ITPR2: variants seen among roughly 807,000 people sequenced by gnomAD.
ITPR2 encodes the protein inositol 1,4,5-trisphosphate receptor type 2, also known as inositol 1,4,5-trisphosphate-gated calcium channel ITPR2.
ITPR2 carries 207 observed loss-of-function variants against 317.1 expected under a neutral mutation model. The observed-to-expected ratio is 0.65, with a 90% confidence interval of 0.58 to 0.73. The LOEUF (loss-of-function observed/expected upper bound fraction) is 0.73. Ranked by LOEUF, ITPR2 falls within the 30% of genes least tolerant of loss-of-function variation. The pLI is 0.00. For missense variants in ITPR2, 2,613 were observed against 3,284.0 expected, an observed-to-expected ratio of 0.80 and a Z score of 4.99; for synonymous variants, 1,156 against 1,149.1, an observed-to-expected ratio of 1.01 and a Z score of -0.12.
At chr12:26,659,587 T>C (rs1169194627) in intron 15 of ITPR2, among the ~76,000 whole-genome samples, 1 of 152,212 alleles carries the variant, frequency 6.6e-6, no homozygotes, top group African/African-American at 2.4e-5. Context: ...TAAAGTAAGT[T>C]TTTATGACAC....
intron 26 of ITPR2, among the ~76,000 whole-genome samples, chr12:26,619,743 G>C (rs529981514): frequency 6.6e-6 from 1 of 152,194 alleles, no homozygotes; most frequent in Admixed American, 6.5e-5. Context: ...TTCTTGACTT[G>C]TTGGTAAGTA....
intron 2 of ITPR2, among the ~76,000 whole-genome samples, chr12:26,763,157 C>T (rs148506681): frequency 5.9e-5 from 9 of 152,040 alleles, no homozygotes; most frequent in Middle Eastern, 3.4e-3. Context: ...GTGATGGATG[C>T]GTGTTCTGGG....
At chr12:26,413,562 CA>C (rs1940621281) in intron 51 of ITPR2, among the ~76,000 whole-genome samples, 1 of 152,110 alleles carries the variant, frequency 6.6e-6, no homozygotes, top group South Asian at 2.1e-4. Flanking sequence ...ATTATGAAAA[CA>C]AGGGTGTTTT....
At position 26,768,276 on chromosome 12, in the gene ITPR2, A is replaced by G. The variant is rs577146305; in HGVS notation, c.163+21881T>C. On this transcript the variant is annotated intron_variant, in intron 2 of 56. Transcript: ENST00000381340. ...CTGGGGACGGTGGTGGGGTCGGGGG[A>G]AGGGGGAGGGATAGCAGTGGGAGAT... Among the ~76,000 whole-genome samples the G allele has an allele frequency of 2.9e-4, 31 of 107,628 alleles. 1 individual carries two copies. The highest frequency in any genetic ancestry group is 3.0e-4 in the Admixed American group (3 of 10,130). The allele number at this position is 107,628 out of a possible 152,430, so 70.6% of individuals were successfully genotyped here. A position where few individuals can be genotyped will look rare whatever the true frequency, so the allele number is the denominator to read the frequency against.
At position 26,606,114 on chromosome 12, in the gene ITPR2, T is replaced by C. The variant is rs564576012; in HGVS notation, c.3463-3408A>G. Among the ~76,000 whole-genome samples, 38 of 152,096 alleles carry C rather than the reference T, an allele frequency of 2.5e-4. No homozygotes were observed. The South Asian group carries it at 7.3e-3, about 29-fold the overall frequency. On this transcript the variant is annotated intron_variant, in intron 26 of 56. Coordinates refer to ENST00000381340, the MANE Select transcript of ITPR2 (RefSeq NM_002223.4). Reference sequence around the variant, plus strand: ...CTAATCTACAAAACCCTGAATCTATTCTAATGACAAAATATTAGAAAAGTG... The same window carrying C: ...CTAATCTACAAAACCCTGAATCTATCCTAATGACAAAATATTAGAAAAGTG...
chr12:26,775,959 T>TATATACATA (rs1263788006), intron 2 of ITPR2, among the ~76,000 whole-genome samples: 6 of 145,062 alleles, frequency 4.1e-5, no homozygotes, highest in Non-Finnish European at 7.7e-5. Flanking sequence ...TATATGTATA[T>TATATACATA]CCTATTAGTT....
rs59023216 is a variant in ITPR2 at position 26,336,994 on chromosome 12, T to TTTG, written c.*2402_*2403insCAA. 6.8e-6 allele frequency: 1 copy of TTTG among 148,078 alleles called. No homozygotes were observed. The highest frequency in any genetic ancestry group is 6.7e-5 in the Admixed American group (1 of 14,936). 9.2% of individuals were successfully genotyped at this position (148,078 alleles called of 1,614,324 possible). ...TTTTTGTTGCTGTTTTTTTTTTTTT[T>TTTG]GCTTTATAATTTCTAAGCATTTAGG... On this transcript the variant is annotated 3_prime_UTR_variant, in exon 57 of 57. Coordinates refer to ENST00000381340, the MANE Select transcript of ITPR2 (RefSeq NM_002223.4).
intron 45 of ITPR2, among the ~76,000 whole-genome samples, chr12:26,452,782 G>A (rs1941771519): frequency 6.6e-6 from 1 of 152,014 alleles, no homozygotes; most frequent in Non-Finnish European, 1.5e-5. Context: ...GATGCAGCAC[G>A]ATGCCCTCAC....
At chr12:26,782,033 TGTATAGAGAGAGAGAG>T (rs1271454741) in intron 2 of ITPR2, among the ~76,000 whole-genome samples, 4 of 18,036 alleles carry the variant, frequency 2.2e-4, no homozygotes, top group Non-Finnish European at 2.2e-4. Context: ...TATATATATA[TGTATAGAGAGAGAGAG>T]AGAGAGAGAG....
rs780856936 is a variant in ITPR2, at chr12:26,419,223, G to A, written c.6946-10C>T. On this transcript the variant is annotated splice_polypyrimidine_tract_variant and intron_variant, in intron 49 of 56. Coordinates refer to ENST00000381340, the MANE Select transcript of ITPR2 (RefSeq NM_002223.4). ...CAATTTTATTACAAAGCTAAAGGGA[G>A]GAAAGGGTTACAGATTACTGTCTTA... The A allele has an allele frequency of 4.3e-6, 7 of 1,612,122 alleles. No individual in the cohort carries two copies. The Admixed American group carries it at 5.0e-5, about 12-fold the overall frequency.
chr12:26,444,459 T>C (rs1466749847), intron 45 of ITPR2, among the ~76,000 whole-genome samples: 1 of 151,958 alleles, frequency 6.6e-6, no homozygotes, highest in Non-Finnish European at 1.5e-5. Context: ...CAGAACTCTT[T>C]CACTCCCAGC....
chr12:26,571,877 A>T (rs1591915430), intron 34 of ITPR2, among the ~76,000 whole-genome samples: 1 of 152,226 alleles, frequency 6.6e-6, no homozygotes, highest in Admixed American at 6.5e-5. Context: ...TCCATGTACA[A>T]CTAAGAAAAA....
chr12:26,733,274 A>G (rs991543034), intron 2 of ITPR2, among the ~76,000 whole-genome samples: 63 of 149,614 alleles, frequency 4.2e-4, no homozygotes, highest in South Asian at 4.2e-4. Flanking sequence ...AGATCATGCC[A>G]CTGCACTCCA....
chr12:26,616,895 T>C (rs1774834156), intron 26 of ITPR2, among the ~76,000 whole-genome samples: 1 of 152,150 alleles, frequency 6.6e-6, no homozygotes, highest in Admixed American at 6.5e-5. Flanking sequence ...CCAATTCCAT[T>C]TAATAGAGAG....
chr12:26,827,645 T>C (rs539054488), intron 1 of ITPR2, among the ~76,000 whole-genome samples: 3 of 152,224 alleles, frequency 2.0e-5, no homozygotes, highest in Non-Finnish European at 4.4e-5. Flanking sequence ...ATGCTAAACA[T>C]TGAAATCAAA....
chr12:26,805,996 T>C (rs1950633442), intron 1 of ITPR2, among the ~76,000 whole-genome samples: 1 of 151,990 alleles, frequency 6.6e-6, no homozygotes, highest in Non-Finnish European at 1.5e-5. Flanking sequence ...ATAGATAGAC[T>C]GGTGGGGAAG....
Position 26,339,402 on chromosome 12 carries a change from G to A in ITPR2, c.8101C>T (p.His2701Tyr), listed in dbSNP as rs775519352. Residue 2701 changes from histidine to tyrosine, a missense_variant, in exon 57 of 57, where the codon CAC becomes TAC. Transcript: ENST00000381340. ...CACGGCTTCCCCCCATGGTATCAGTGTGGTGGCATGTGATGATTCACATGG... is the reference window on the plus strand; with the variant it reads ...CACGGCTTCCCCCCATGGTATCAGTATGGTGGCATGTGATGATTCACATGG... ...TPHVNHHMPP[H>Y] is the part of the protein sequence containing the mutation. 1.2e-5 allele frequency: 19 copies of A among 1,612,900 alleles called. No homozygotes were observed. The highest frequency in any genetic ancestry group is 1.1e-5 in the South Asian group (1 of 91,042).
At chr12:26,440,630 A>G (rs1222606927) in intron 46 of ITPR2, among the ~76,000 whole-genome samples, 2 of 152,212 alleles carry the variant, frequency 1.3e-5, no homozygotes, top group Admixed American at 1.3e-4. Context: ...CATGAAATTT[A>G]GTAGGGTAAA....
intron 55 of ITPR2, among the ~76,000 whole-genome samples, chr12:26,378,007 G>A (rs1025631225): frequency 6.6e-6 from 1 of 151,668 alleles, no homozygotes; most frequent in Non-Finnish European, 1.5e-5. Flanking sequence ...TGTCCTCTGT[G>A]CTCCAGTGGC....
Sources: allele counts gnomAD v4.1 joint callset (sites outside exome capture counted in the v4.1 genomes callset), GRCh38; gene constraint gnomAD v4.1.1; transcripts MANE v1.5; gene names NCBI Gene and HGNC (gene_info 2026-07-23, HGNC 2026-07-21).